The following PTPRK variants were observed in gnomAD, a reference collection of about 807,000 sequenced individuals.
The protein encoded by PTPRK is receptor-type tyrosine-protein phosphatase kappa.
PTPRK carries 75 observed loss-of-function variants against 178.0 expected under a neutral mutation model. The observed-to-expected ratio is 0.42, with a 90% CI of 0.35 to 0.51. The LOEUF (loss-of-function observed/expected upper bound fraction) is 0.51, where lower values mean the gene tolerates loss of function less well. Among genes scored for constraint, PTPRK ranks in the 20% least tolerant of loss-of-function variants. The pLI, the probability that PTPRK is intolerant of heterozygous loss-of-function variation, is 0.02. For synonymous variants in PTPRK, 637 were observed against 620.6 expected, an observed-to-expected ratio of 1.03 and a Z score of -0.39; for missense variants, 1,441 against 1,797.8, an observed-to-expected ratio of 0.80 and a Z score of 3.59.
chr6:128,083,909 T>C (rs756484896), intron 8 of PTPRK, 85 bp from the exon 9 acceptor site: 4 of 567,270 alleles, frequency 7.1e-6, no homozygotes, highest in Admixed American at 3.8e-5. Flanking sequence ...TAAACAGGAT[T>C]AAAAATAAAT....
intron 1 of PTPRK, among the ~76,000 whole-genome samples, chr6:128,495,337 G>A (rs1341731760): frequency 2.6e-5 from 4 of 152,040 alleles, no homozygotes; most frequent in Non-Finnish European, 2.9e-5. Context: ...AATAAGAGAC[G>A]CAATTTCAGG....
At chr6:128,399,030 C>T (rs372433380) in intron 1 of PTPRK, among the ~76,000 whole-genome samples, 2 of 152,214 alleles carry the variant, frequency 1.3e-5, no homozygotes, top group South Asian at 2.1e-4. Flanking sequence ...TTAGAACTAA[C>T]GAAAATCCAG....
chr6:128,423,699 A>G (rs1843755709), intron 1 of PTPRK, among the ~76,000 whole-genome samples: 2 of 151,978 alleles, frequency 1.3e-5, no homozygotes, highest in South Asian at 4.2e-4. Context: ...GGGGTGGTAC[A>G]TGCCTGTAAT....
At chr6:128,412,615 G>A (rs1469602906) in intron 1 of PTPRK, among the ~76,000 whole-genome samples, 1 of 152,178 alleles carries the variant, frequency 6.6e-6, no homozygotes, top group African/African-American at 2.4e-5. Context: ...CATATGATAG[G>A]CCAGAGAACA....
intron 13 of PTPRK, among the ~76,000 whole-genome samples, chr6:128,041,145 T>G (rs1777093948): frequency 1.3e-5 from 2 of 152,082 alleles, no homozygotes; most frequent in South Asian, 4.1e-4. Flanking sequence ...GTTACATAAT[T>G]TATTTGAGAA....
chr6:128,344,071 T>C (rs74391806), intron 2 of PTPRK, among the ~76,000 whole-genome samples: 1,975 of 152,300 alleles, frequency 0.013, 42 homozygotes, highest in African/African-American at 0.045. Context: ...ACATAGAACA[T>C]GTTTATTCTA....
At chr6:128,266,757 C>T (rs1483793379) in intron 3 of PTPRK, among the ~76,000 whole-genome samples, 1 of 152,072 alleles carries the variant, frequency 6.6e-6, no homozygotes, top group Non-Finnish European at 1.5e-5. Flanking sequence ...CAAACTTGTG[C>T]TGAACCAGCT....
chr6:128,515,088 C>A (rs1040720573), intron 1 of PTPRK, among the ~76,000 whole-genome samples: 2 of 152,142 alleles, frequency 1.3e-5, no homozygotes, highest in African/African-American at 2.4e-5. Flanking sequence ...TATCAAACAT[C>A]ATAACATTTT....
intron 5 of PTPRK, among the ~76,000 whole-genome samples, chr6:128,235,874 G>C (rs1813159628): frequency 6.6e-6 from 1 of 152,008 alleles, no homozygotes; most frequent in African/African-American, 2.4e-5. Context: ...TTCTCATTAT[G>C]AGTTATTTTA....
At chr6:128,074,199 C>T (rs1314918285) in intron 11 of PTPRK, among the ~76,000 whole-genome samples, 1 of 151,952 alleles carries the variant, frequency 6.6e-6, no homozygotes, top group Non-Finnish European at 1.5e-5. Flanking sequence ...ATGTTCTCCA[C>T]AAAACAAAGT....
chr6:128,260,022 G>A (rs1372991528), intron 3 of PTPRK, among the ~76,000 whole-genome samples: 4 of 152,046 alleles, frequency 2.6e-5, no homozygotes, highest in Non-Finnish European at 5.9e-5. Context: ...AATGAAATGG[G>A]TGAAATGAGT....
chr6:128,356,507 A>G (rs1446222467), intron 2 of PTPRK, among the ~76,000 whole-genome samples: 1 of 152,120 alleles, frequency 6.6e-6, no homozygotes. Flanking sequence ...ACTATTGGCA[A>G]TTCTTCTGCC....
intron 6 of PTPRK, among the ~76,000 whole-genome samples, chr6:128,217,580 AG>A (rs1425065002): frequency 2.0e-5 from 3 of 152,202 alleles, no homozygotes; most frequent in Non-Finnish European, 2.9e-5. Flanking sequence ...AAAATATCAA[AG>A]GTTAAAGTAT....
chr6:128,372,759 G>A (rs1307239285), intron 2 of PTPRK, among the ~76,000 whole-genome samples: 1 of 152,096 alleles, frequency 6.6e-6, no homozygotes, highest in Non-Finnish European at 1.5e-5. Context: ...CATAGTACAT[G>A]GAGAAGACCC....
intron 2 of PTPRK, among the ~76,000 whole-genome samples, chr6:128,323,153 G>C (rs1327824848): frequency 2.0e-5 from 3 of 152,054 alleles, no homozygotes; most frequent in African/African-American, 4.8e-5. Flanking sequence ...ACAGGACATA[G>C]AGTCCCACTC....
intron 7 of PTPRK, among the ~76,000 whole-genome samples, chr6:128,110,578 T>C (rs1293744337): frequency 1.3e-5 from 2 of 151,656 alleles, no homozygotes; most frequent in Non-Finnish European, 2.9e-5. Flanking sequence ...GGAGCACAGA[T>C]ATTTATGCAG....
At chr6:128,493,597 C>T (rs1854213948) in intron 1 of PTPRK, among the ~76,000 whole-genome samples, 2 of 29,166 alleles carry the variant, frequency 6.9e-5, no homozygotes, top group Admixed American at 3.0e-4. Flanking sequence ...CCCCTACACA[C>T]ACACACACAC....
intron 1 of PTPRK, among the ~76,000 whole-genome samples, chr6:128,467,887 A>C (rs1272865184): frequency 6.6e-6 from 1 of 151,712 alleles, no homozygotes; most frequent in Non-Finnish European, 1.5e-5. Flanking sequence ...TTGGCCATTA[A>C]ATGTTGGAAT....
At chr6:128,329,180 G>A (rs1345969860) in intron 2 of PTPRK, among the ~76,000 whole-genome samples, 2 of 152,150 alleles carry the variant, frequency 1.3e-5, no homozygotes, top group Non-Finnish European at 1.5e-5. Context: ...CACTATTAGT[G>A]CTTTTATTTA....
Sources: gnomAD v4.1 joint callset for allele counts (sites outside exome capture counted in the v4.1 genomes callset) on GRCh38, gnomAD v4.1.1 for gene constraint, MANE v1.5 for transcripts, NCBI Gene and HGNC (gene_info 2026-07-23, HGNC 2026-07-21) for gene names.